Variants in TSGA10 observed in about 807,000 individuals in gnomAD.
TSGA10 encodes testis-specific gene 10 protein.
TSGA10 carries 43 observed loss-of-function variants against 96.6 expected under a neutral mutation model. The ratio of observed to expected loss-of-function variants is 0.44; its 90% CI spans 0.35 to 0.57. The LOEUF is 0.57. Among genes scored for constraint, TSGA10 ranks in the 20% least tolerant of loss-of-function variants. The probability of loss-of-function intolerance (pLI) is 0.01; values close to 1 mark genes in which losing one functional copy is unlikely to be tolerated. For missense variants in TSGA10, 703 were observed against 834.4 expected (o/e 0.84, Z 1.94); for synonymous variants, 229 against 269.9 (o/e 0.85, Z 1.48).
chr2:99,153,354 G>A (rs2105167895), intron 1 of TSGA10, among the ~76,000 whole-genome samples: 1 of 152,306 alleles, frequency 6.6e-6, no homozygotes, highest in Middle Eastern at 3.4e-3. Flanking sequence ...CAAGAAGCTT[G>A]GCTCAGAAGG....
At chr2:99,006,966 T>TA (rs2078543032) in intron 20 of TSGA10, among the ~76,000 whole-genome samples, 1 of 152,222 alleles carries the variant, frequency 6.6e-6, no homozygotes, top group East Asian at 1.9e-4. Context: ...TATGCAGCCA[T>TA]AAAAAATGAG....
chr2:99,072,911 G>C lies in TSGA10; in HGVS notation c.938+107C>G, dbSNP rs375862079. The C allele has an allele frequency of 2.9e-4, 210 of 727,734 alleles. No homozygotes were observed. The African/African-American group carries it at 3.5e-3, about 12-fold the overall frequency. 45.1% of individuals were successfully genotyped at this position (727,734 alleles called of 1,614,324 possible). On this transcript the variant is annotated intron_variant, in intron 13 of 20. Coordinates refer to ENST00000393483, the MANE Select transcript of TSGA10 (RefSeq NM_025244.4). Reference sequence around the variant, plus strand: ...TAGGCCTCCTTTGATGAGAGAGTTAGCACCTTACACGTATCATTAAGCCCC... The same window carrying C: ...TAGGCCTCCTTTGATGAGAGAGTTACCACCTTACACGTATCATTAAGCCCC...
At chr2:99,001,800 C>T (rs1179611576) in intron 20 of TSGA10, among the ~76,000 whole-genome samples, 3 of 152,170 alleles carry the variant, frequency 2.0e-5, no homozygotes, top group South Asian at 2.1e-4. Context: ...AATGACCTGA[C>T]GGAGCTAAAA....
chr2:99,150,619 G>A, intron 1 of TSGA10: 1 of 1,614,024 alleles, frequency 6.2e-7, no homozygotes, highest in East Asian at 2.2e-5. Context: ...GGATTCAAAA[G>A]TGGATGATCA....
intron 20 of TSGA10, among the ~76,000 whole-genome samples, chr2:98,999,175 C>T (rs542131795): frequency 6.6e-6 from 1 of 152,088 alleles, no homozygotes; most frequent in Non-Finnish European, 1.5e-5. Flanking sequence ...GGATTATAGT[C>T]AGGAGCCACT....
chr2:99,028,739 C>T (rs1376820882), intron 17 of TSGA10, among the ~76,000 whole-genome samples: 1 of 152,072 alleles, frequency 6.6e-6, no homozygotes, highest in Non-Finnish European at 1.5e-5. Flanking sequence ...TTGTTAGCTG[C>T]TGCTGTCCAT....
chr2:99,087,139 G>A lies in TSGA10; in HGVS notation c.612-5742C>T, dbSNP rs994507220. ...GAATGGCGTGAACCCGGGAGGCAGA[G>A]CTTGCAGTGAGCCAAGATCATGCCA... On this transcript the variant is annotated intron_variant, in intron 10 of 20. Coordinates refer to ENST00000393483, the MANE Select transcript of TSGA10 (RefSeq NM_025244.4). 8.5e-5 allele frequency among the ~76,000 whole-genome samples: 13 copies of A among 152,120 alleles called. No homozygotes were observed. In the East Asian group the frequency reaches 1.4e-3, roughly 16 times the overall value.
At chr2:99,087,317 A>G (rs1403548888) in intron 10 of TSGA10, among the ~76,000 whole-genome samples, 1 of 151,330 alleles carries the variant, frequency 6.6e-6, no homozygotes, top group Non-Finnish European at 1.5e-5. Flanking sequence ...AACCAGCCTG[A>G]CCAACGTGGA....
At chr2:99,130,763 G>A (rs2093040277) in intron 1 of TSGA10, among the ~76,000 whole-genome samples, 3 of 152,060 alleles carry the variant, frequency 2.0e-5, no homozygotes, top group Admixed American at 2.0e-4. Flanking sequence ...TATGTTTTAT[G>A]TTTAAGTCTT....
intron 1 of TSGA10, among the ~76,000 whole-genome samples, chr2:99,130,162 G>A (rs1378762942): frequency 6.6e-6 from 1 of 152,168 alleles, no homozygotes; most frequent in Non-Finnish European, 1.5e-5. Flanking sequence ...TGGGATTGCT[G>A]TGTCAAATGG....
Position 98,997,285 on chromosome 2 carries a change from T to A in TSGA10, c.*912A>T, listed in dbSNP as rs1208280430. On this transcript the variant is annotated 3_prime_UTR_variant, in exon 21 of 21. Coordinates refer to ENST00000393483, the MANE Select transcript of TSGA10 (RefSeq NM_025244.4). ...ATACTATTAATGACAAGCCTTTTTT[T>A]ATTAAAATGGCAAGAATACAAATAG... 2.0e-5 allele frequency: 3 copies of A among 152,112 alleles called. No individual in the cohort carries two copies. The highest frequency in any genetic ancestry group is 4.4e-5 in the Non-Finnish European group (3 of 67,956). 9.4% of individuals were successfully genotyped at this position (152,112 alleles called of 1,614,324 possible). A position where few individuals can be genotyped will look rare whatever the true frequency, so the allele number is the denominator to read the frequency against.
intron 1 of TSGA10, among the ~76,000 whole-genome samples, chr2:99,150,277 CAGAT>C (rs1429115422): frequency 6.6e-6 from 1 of 152,126 alleles, no homozygotes; most frequent in Non-Finnish European, 1.5e-5. Context: ...AACATACAAT[CAGAT>C]AAATTTCCTT....
At chr2:99,093,762 C>T (rs2089664370) in intron 10 of TSGA10, among the ~76,000 whole-genome samples, 1 of 151,826 alleles carries the variant, frequency 6.6e-6, no homozygotes, top group Admixed American at 6.6e-5. Flanking sequence ...ACGACACAAA[C>T]AAATGGAAAC....
chr2:99,146,863 G>A (rs11693427), intron 1 of TSGA10, among the ~76,000 whole-genome samples: 88,321 of 151,966 alleles, frequency 0.58, 26,534 homozygotes, highest in East Asian at 0.88. Flanking sequence ...TCCTGACCTC[G>A]TGATCCGCCC....
chr2:99,034,834 G>A (rs1182939034), intron 17 of TSGA10, among the ~76,000 whole-genome samples: 1 of 152,144 alleles, frequency 6.6e-6, no homozygotes, highest in East Asian at 1.9e-4. Context: ...CAAGTAGAAT[G>A]TCAGGCACAA....
At chr2:99,105,821 T>A in intron 7 of TSGA10, 124 bp from the exon 8 acceptor site, 1 of 564,938 alleles carries the variant, frequency 1.8e-6, no homozygotes, top group Non-Finnish European at 2.9e-6. Context: ...GGTAATGGTA[T>A]CGCTTTTATT....
intron 10 of TSGA10, among the ~76,000 whole-genome samples, chr2:99,091,023 A>G (rs1193825749): frequency 2.0e-5 from 3 of 152,232 alleles, no homozygotes; most frequent in African/African-American, 7.2e-5. Context: ...GCTGTGAGGC[A>G]AAAGCATGAG....
In TSGA10 at chr2:99,122,457, C is replaced by T. The variant is rs147382333; in HGVS notation, c.-491-3771G>A. Among the ~76,000 whole-genome samples, 233 of 151,296 alleles carry T rather than the reference C, an allele frequency of 1.5e-3. 2 individuals are homozygous for T. Among genetic ancestry groups the T allele is most frequent in the African/African-American group, 5.3e-3 (217 of 41,194 alleles). On this transcript the variant is annotated intron_variant, in intron 2 of 20. Coordinates refer to ENST00000393483, the MANE Select transcript of TSGA10 (RefSeq NM_025244.4). ...CTGTACATGCATTTAAAACCACATT[C>T]GACAGTTAAATACAATTTTGTAAAA...
At chr2:99,114,093 CA>C (rs1468954894) in intron 4 of TSGA10, among the ~76,000 whole-genome samples, 1 of 152,164 alleles carries the variant, frequency 6.6e-6, no homozygotes, top group Non-Finnish European at 1.5e-5. Context: ...CCAGTGAATA[CA>C]TTTAATACTA....
Sources: allele counts gnomAD v4.1 joint callset (sites outside exome capture counted in the v4.1 genomes callset), GRCh38; gene constraint gnomAD v4.1.1; transcripts MANE v1.5; gene names NCBI Gene and HGNC (gene_info 2026-07-23, HGNC 2026-07-21).